Variants in ZNF558 observed in about 807,000 individuals in gnomAD.
The protein encoded by ZNF558 is zinc finger protein 558.
ZNF558 carries 23 observed loss-of-function variants against 37.6 expected under a neutral mutation model. The ratio of observed to expected loss-of-function variants is 0.61; its 90% CI spans 0.44 to 0.87. The LOEUF is 0.87. Ranked by LOEUF, ZNF558 falls within the 40% of genes least tolerant of loss-of-function variation. ZNF558 has a pLI of 0.00. For synonymous variants in ZNF558, 189 were observed against 174.4 expected (o/e 1.08, Z -0.66); for missense variants, 429 against 483.7 (o/e 0.89, Z 1.06).
intron 2 of ZNF558, among the ~76,000 whole-genome samples, chr19:8,830,502 C>T (rs1040314105): frequency 1.1e-4 from 17 of 152,112 alleles, no homozygotes; most frequent in African/African-American, 4.1e-4. Flanking sequence ...ATCTGGTCGC[C>T]GGTCAATTTA....
At chr19:8,823,541 C>T (rs67274663) in intron 4 of ZNF558, among the ~76,000 whole-genome samples, 1 of 123,094 alleles carries the variant, frequency 8.1e-6, no homozygotes, top group African/African-American at 3.1e-5. Context: ...TGCCTGTTAC[C>T]CCAACTCCTG....
intron 6 of ZNF558, chr19:8,821,520 G>C (rs1161928891): frequency 7.0e-7 from 1 of 1,438,418 alleles, no homozygotes; most frequent in Non-Finnish European, 9.1e-7. Context: ...TGGCTTCTGA[G>C]CTCAGCCCTC....
chr19:8,815,104 G>C (rs1359391197), intron 7 of ZNF558, among the ~76,000 whole-genome samples: 1 of 152,048 alleles, frequency 6.6e-6, no homozygotes, highest in Admixed American at 6.5e-5. Context: ...AACAAACGTT[G>C]GGCCCATTAC....
intron 7 of ZNF558, among the ~76,000 whole-genome samples, chr19:8,815,750 C>G (rs530755363): frequency 6.6e-6 from 1 of 151,966 alleles, no homozygotes; most frequent in Non-Finnish European, 1.5e-5. Flanking sequence ...CACTCTGCTG[C>G]ACTCCGGCCT....
chr19:8,837,395 GTTATA>G, the ZNF558 span, among the ~76,000 whole-genome samples: 1 of 152,240 alleles, frequency 6.6e-6, no homozygotes, highest in Non-Finnish European at 1.5e-5. Context: ...TGTACATTTA[GTTATA>G]TTAAATTACA....
the ZNF558 span, among the ~76,000 whole-genome samples, chr19:8,837,390 A>G: frequency 6.6e-6 from 1 of 152,240 alleles, no homozygotes; most frequent in Non-Finnish European, 1.5e-5. Context: ...GTCAATGTAC[A>G]TTTAGTTATA....
chr19:8,813,219 C>G lies in ZNF558; in HGVS notation c.251G>C (p.Cys84Ser), dbSNP rs782216093. ...TATCAGACTGGGTTTATTAACACGA[C>G]ACCCTATTTATGGAAACAATACACA... ...ENCRNLASLGCRVNKPSLISQ... is the reference protein window; with the variant it reads ...ENCRNLASLGSRVNKPSLISQ... Residue 84 changes from cysteine to serine, a missense_variant, in exon 8 of 10, where the codon TGT (cysteine) becomes TCT (serine). Cys to Ser is a moderately radical substitution (Grantham distance 112, BLOSUM62 -1). Coordinates refer to ENST00000601372, the MANE Select transcript of ZNF558 (RefSeq NM_144693.3). 1.6e-5 allele frequency: 25 copies of G among 1,586,494 alleles called. No homozygotes were observed. The highest frequency in any genetic ancestry group is 1.1e-5 in the Non-Finnish European group (13 of 1,164,860).
chr19:8,812,232 A>G (rs1471662783), intron 9 of ZNF558, among the ~76,000 whole-genome samples, 169 bp from the exon 10 acceptor site: 6 of 152,220 alleles, frequency 3.9e-5, no homozygotes, highest in Admixed American at 3.9e-4. Context: ...TAAGAAAGTT[A>G]AAAAACATAG....
rs1456058232 is a variant in ZNF558 at position 8,808,682 on chromosome 19, T to TA, written c.*2598dup. On this transcript the variant is annotated 3_prime_UTR_variant, in exon 10 of 10. Coordinates refer to ENST00000601372, the MANE Select transcript of ZNF558 (RefSeq NM_144693.3). ...TTGACCAATTTATAGGTTTACCAGT[T>TA]AGATTCTGCATCCTGCTGGAAGTTA... is the stretch of plus-strand genomic sequence containing the variant. The TA allele has an allele frequency of 6.6e-6, 1 of 152,262 alleles. No homozygotes were observed. Among genetic ancestry groups the TA allele is most frequent in the African/African-American group, 2.4e-5 (1 of 41,470 alleles). The allele number at this position is 152,262 out of a possible 1,614,324, so 9.4% of individuals were successfully genotyped here.
chr19:8,830,539 T>A (rs886326097), intron 2 of ZNF558, among the ~76,000 whole-genome samples: 2 of 152,208 alleles, frequency 1.3e-5, no homozygotes, highest in Non-Finnish European at 2.9e-5. Context: ...TAATAAATCA[T>A]CCTTTTTACA....
Position 8,811,785 on chromosome 19 carries a change from G to T in ZNF558, c.705C>A (p.Pro235=), listed in dbSNP as rs149563720. 1.4e-5 allele frequency: 23 copies of T among 1,614,058 alleles called. No homozygotes were observed. In the African/African-American group the frequency reaches 2.3e-4, roughly 16 times the overall value. ...CGTGAAAACACTGGTTACATTCATAGGGTTTTTCTCCAGTGTGAATTCTCA... is the reference window on the plus strand; with the variant it reads ...CGTGAAAACACTGGTTACATTCATATGGTTTTTCTCCAGTGTGAATTCTCA... ...LHLRIHTGEK[P]YECNQCFHVF... is the part of the protein sequence containing the mutation. Residue 235 remains proline, a synonymous_variant, in exon 10 of 10, where the codon CCC becomes CCA. Transcript: ENST00000601372.
chr19:8,832,102 A>G (rs1013010790), intron 1 of ZNF558, 107 bp downstream of exon 1: 2 of 152,236 alleles, frequency 1.3e-5, no homozygotes, highest in Non-Finnish European at 2.9e-5. Flanking sequence ...CCGAGGCCTC[A>G]TGAACCGAAA....
At chr19:8,817,900 A>G (rs2043980291) in intron 7 of ZNF558, among the ~76,000 whole-genome samples, 1 of 152,200 alleles carries the variant, frequency 6.6e-6, no homozygotes, top group African/African-American at 2.4e-5. Flanking sequence ...TGAGACTTCA[A>G]TACTCCACTT....
chr19:8,813,629 T>C (rs1361727029), intron 7 of ZNF558, among the ~76,000 whole-genome samples: 1 of 152,174 alleles, frequency 6.6e-6, no homozygotes, highest in African/African-American at 2.4e-5. Flanking sequence ...CCTCCCAAAG[T>C]GCTGGGATTA....
At chr19:8,835,765 G>C (rs774512861), upstream of ZNF558, among the ~76,000 whole-genome samples, 4 of 152,274 alleles carry the variant, frequency 2.6e-5, no homozygotes, top group Non-Finnish European at 5.9e-5. Flanking sequence ...CCAAAATTTT[G>C]TATGTCCCAA....
chr19:8,820,176 T>C (rs982823323), intron 7 of ZNF558, among the ~76,000 whole-genome samples: 7 of 152,166 alleles, frequency 4.6e-5, no homozygotes, highest in South Asian at 4.1e-4. Flanking sequence ...CCCTCCTGCA[T>C]TGGCGGGAAC....
At chr19:8,821,944 T>G (rs1380352747) in intron 6 of ZNF558, 59 bp downstream of exon 6, 2 of 1,605,120 alleles carry the variant, frequency 1.2e-6, no homozygotes, top group African/African-American at 1.3e-5. Flanking sequence ...CTGGAAGGTA[T>G]CAAGTCCAAC....
chr19:8,837,928 C>T, the ZNF558 span, among the ~76,000 whole-genome samples: 1 of 152,026 alleles, frequency 6.6e-6, no homozygotes, highest in Non-Finnish European at 1.5e-5. Flanking sequence ...ACACAGGAGA[C>T]AGCAAGGCTG....
At position 8,811,436 on chromosome 19, in the gene ZNF558, CA is replaced by C; in HGVS notation, c.1053del (p.Ser351ArgfsTer13). 6.2e-7 allele frequency: 1 copy of C among 1,613,818 alleles called. No homozygotes were observed. Among genetic ancestry groups the C allele is most frequent in the Non-Finnish European group, 8.5e-7 (1 of 1,179,930 alleles). On this transcript the variant is annotated frameshift_variant, in exon 10 of 10. Coordinates refer to ENST00000601372, the MANE Select transcript of ZNF558 (RefSeq NM_144693.3). LOFTEE classifies it high-confidence loss of function. ...IHTGEKPYEC[S>X]DCGKAFNNLS... Reference sequence around the variant, plus strand: ...AGATTATTAAAGGCTTTTCCACAGTCACTGCACTCGTAGGGTTTCTCTCCGG... The same window carrying C: ...AGATTATTAAAGGCTTTTCCACAGTCCTGCACTCGTAGGGTTTCTCTCCGG...
Sources: allele counts gnomAD v4.1 joint callset (sites outside exome capture counted in the v4.1 genomes callset), GRCh38; gene constraint gnomAD v4.1.1; transcripts MANE v1.5; gene names NCBI Gene and HGNC (gene_info 2026-07-23, HGNC 2026-07-21).